AKT2: variants seen among roughly 807,000 people sequenced by gnomAD.
AKT2 encodes RAC-beta serine/threonine-protein kinase.
AKT2 carries 16 observed loss-of-function variants against 58.6 expected under a neutral mutation model. The observed-to-expected ratio is 0.27, with a 90% CI of 0.18 to 0.41. AKT2 has a LOEUF of 0.41. AKT2 is among the 10% of genes least tolerant of loss of function. The pLI is 1.00. For missense variants in AKT2, 438 were observed against 661.0 expected, an observed-to-expected ratio of 0.66 and a Z score of 3.70; for synonymous variants, 253 against 254.0, an observed-to-expected ratio of 1.00 and a Z score of 0.04.
intron 2 of AKT2, among the ~76,000 whole-genome samples, chr19:40,261,250 C>T (rs1475878803): frequency 6.6e-6 from 1 of 152,118 alleles, no homozygotes. Context: ...AGGACGAGTT[C>T]GGCCAGGCGC....
chr19:40,285,221 C>A lies in AKT2; in HGVS notation c.-125G>T, dbSNP rs1400951914. ...GCCCAGCCTCTCCGGCGGGGCTCTACCCCCGCCCATCGCCACGCTGCGCTG... is the reference window on the plus strand; with the variant it reads ...GCCCAGCCTCTCCGGCGGGGCTCTAACCCCGCCCATCGCCACGCTGCGCTG... On this transcript the variant is annotated 5_prime_UTR_variant, in exon 1 of 14. Coordinates refer to ENST00000392038, the MANE Select transcript of AKT2 (RefSeq NM_001626.6). 2.5e-6 allele frequency: 1 copy of A among 395,176 alleles called. No homozygotes were observed. The highest frequency in any genetic ancestry group is 4.5e-6 in the Non-Finnish European group (1 of 223,768). The allele number at this position is 395,176 out of a possible 1,614,324, so 24.5% of individuals were successfully genotyped here.
intron 2 of AKT2, among the ~76,000 whole-genome samples, chr19:40,262,132 C>T (rs761546329): frequency 4.0e-5 from 6 of 151,600 alleles, no homozygotes; most frequent in Non-Finnish European, 5.9e-5. Flanking sequence ...AAAAGCTGAA[C>T]GCAGTGGCTC....
intron 6 of AKT2, 161 bp downstream of exon 6, chr19:40,241,777 C>G (rs1194278105): frequency 1.8e-6 from 2 of 1,105,108 alleles, no homozygotes; most frequent in African/African-American, 3.1e-5. Flanking sequence ...GCCTGCTGCT[C>G]CTCTCTGGGC....
chr19:40,251,446 C>T (rs941777763), intron 4 of AKT2, among the ~76,000 whole-genome samples: 1 of 151,932 alleles, frequency 6.6e-6, no homozygotes, highest in African/African-American at 2.4e-5. Context: ...TTCTAGTTTA[C>T]AAGAAATACA....
At chr19:40,281,369 G>GTA (rs1265703248) in intron 1 of AKT2, among the ~76,000 whole-genome samples, 1 of 152,188 alleles carries the variant, frequency 6.6e-6, no homozygotes, top group Non-Finnish European at 1.5e-5. Flanking sequence ...GCATGCACCT[G>GTA]TAGTCCCAGC....
intron 2 of AKT2, among the ~76,000 whole-genome samples, chr19:40,259,051 G>A (rs1600066522): frequency 6.6e-6 from 1 of 152,236 alleles, no homozygotes; most frequent in Middle Eastern, 3.4e-3. Flanking sequence ...ATACAGGACA[G>A]ACATACAGAC....
intron 7 of AKT2, 63 bp downstream of exon 7, chr19:40,239,980 GCT>G (rs749834713): frequency 3.9e-6 from 6 of 1,556,178 alleles, no homozygotes; most frequent in Middle Eastern, 1.7e-4. Context: ...GAAGATTAGG[GCT>G]CTCTCTCTGA....
intron 2 of AKT2, among the ~76,000 whole-genome samples, chr19:40,258,263 A>C (rs71356900): frequency 3.3e-5 from 5 of 149,450 alleles, no homozygotes; most frequent in African/African-American, 7.5e-5. Flanking sequence ...AAAAAAAAAA[A>C]CAAAAAAAAA....
In AKT2 at chr19:40,242,806, G is replaced by C. The variant is rs1974496532; in HGVS notation, c.288-119C>G. 8 of 1,159,260 alleles carry C rather than the reference G, an allele frequency of 6.9e-6. No individual in the cohort carries two copies. Among genetic ancestry groups the C allele is most frequent in the Admixed American group, 4.0e-5 (2 of 50,134 alleles). The allele number at this position is 1,159,260 out of a possible 1,614,324, so 71.8% of individuals were successfully genotyped here. ...GGCAAGCAAATGACCACATAACCAT[G>C]GGAATTTGGGCAAGATCTGTCAGAA... On this transcript the variant is annotated intron_variant, in intron 4 of 13. Transcript: ENST00000392038. This position sits in a 1 kb window ranked among gnomAD's most constrained non-coding sequence, Gnocchi z 4.3.
intron 4 of AKT2, among the ~76,000 whole-genome samples, chr19:40,253,516 T>C (rs1975317826): frequency 1.3e-5 from 2 of 152,064 alleles, no homozygotes; most frequent in Admixed American, 1.3e-4. Flanking sequence ...GTCAAACTCA[T>C]CCACAGAGAA....
At chr19:40,250,753 G>A (rs1203079041) in intron 4 of AKT2, among the ~76,000 whole-genome samples, 5 of 151,982 alleles carry the variant, frequency 3.3e-5, no homozygotes, top group African/African-American at 9.7e-5. Context: ...ACCTAAATCC[G>A]GGAGATTGAG....
At position 40,255,174 on chromosome 19, in the gene AKT2, C is replaced by A. The variant is rs1205519703; in HGVS notation, c.271G>T (p.Asp91Tyr). 1 of 1,613,936 alleles carries A rather than the reference C, an allele frequency of 6.2e-7. No individual in the cohort carries two copies. The highest frequency in any genetic ancestry group is 1.7e-5 in the Admixed American group (1 of 60,014). ...CAGACTGACCTCTCGTCTGGAGAAT[C>A]CACGTGGAAGGTCCTCTCGATGACT... ...TTVIERTFHV[D>Y]SPDEREEWMR... The change falls in exon 4 of 14, where the codon GAT (aspartate) becomes TAT (tyrosine). Residue 91 changes from aspartate to tyrosine, a missense_variant. Coordinates refer to ENST00000392038, the MANE Select transcript of AKT2 (RefSeq NM_001626.6).
rs1264928932 is a variant in AKT2 at position 40,238,290 on chromosome 19, C to T, written c.709-199G>A. Among the ~76,000 whole-genome samples, 1 of 152,128 alleles carries T rather than the reference C, an allele frequency of 6.6e-6. No homozygotes were observed. Among genetic ancestry groups the T allele is most frequent in the African/African-American group, 2.4e-5 (1 of 41,406 alleles). On this transcript the variant is annotated intron_variant, in intron 8 of 13. Coordinates refer to ENST00000392038, the MANE Select transcript of AKT2 (RefSeq NM_001626.6). The surrounding 1 kb of genome is among the most constrained non-coding windows in gnomAD (Gnocchi z 5.1). ...AGCTGGGGGGAAGGGCGAGGGTCTGCCAGGAGGCACCCATGAGAGGGTATG... is the reference window on the plus strand; with the variant it reads ...AGCTGGGGGGAAGGGCGAGGGTCTGTCAGGAGGCACCCATGAGAGGGTATG...
rs1973833228 is a variant in AKT2 at position 40,233,686 on chromosome 19, G to A, written c.*186C>T. On this transcript the variant is annotated 3_prime_UTR_variant, in exon 14 of 14. Transcript: ENST00000392038. The surrounding 1 kb of genome is among the most constrained non-coding windows in gnomAD (Gnocchi z 4.3). ...GAGTCTGGGCACAAAGGTGAGGCTG[G>A]AGGCTGGAGGCAGGGGCTGCAGGGG... 1 of 768,090 alleles carries A rather than the reference G, an allele frequency of 1.3e-6. No homozygotes were observed. The highest frequency in any genetic ancestry group is 2.4e-6 in the Non-Finnish European group (1 of 423,362). 47.6% of individuals were successfully genotyped at this position (768,090 alleles called of 1,614,324 possible). A position where few individuals can be genotyped will look rare whatever the true frequency, so the allele number is the denominator to read the frequency against.
chr19:40,255,306 G>A (rs760935284), intron 3 of AKT2, 37 bp from the exon 4 acceptor site: 4 of 1,549,650 alleles, frequency 2.6e-6, no homozygotes, highest in Non-Finnish European at 3.6e-6. Context: ...GGGGCTGAGG[G>A]GATAGCCCTG....
In AKT2 at chr19:40,282,570, A is replaced by C. The variant is rs147213560; in HGVS notation, c.-85+2611T>G. ...GGGTAAGAGGAAGGAAAGACATAGG[A>C]CAGTCACCTCTATAGGTAGAGGACA... On this transcript the variant is annotated intron_variant, in intron 1 of 13. Coordinates refer to ENST00000392038, the MANE Select transcript of AKT2 (RefSeq NM_001626.6). 1.1e-3 allele frequency: 576 copies of C among 532,290 alleles called. 2 individuals are homozygous for C. Among genetic ancestry groups the C allele is most frequent in the Middle Eastern group, 1.5e-3 (4 of 2,758 alleles). The allele number at this position is 532,290 out of a possible 1,614,324, so 33.0% of individuals were successfully genotyped here. A position where few individuals can be genotyped will look rare whatever the true frequency, so the allele number is the denominator to read the frequency against.
At chr19:40,255,529 A>C (rs1458242832) in intron 3 of AKT2, among the ~76,000 whole-genome samples, 1 of 152,154 alleles carries the variant, frequency 6.6e-6, no homozygotes, top group East Asian at 1.9e-4. Context: ...AGGTGTGCAG[A>C]AGCTCAGAGG....
Position 40,236,287 on chromosome 19 carries a change from G to C in AKT2, c.930C>G (p.Phe310Leu). The change falls in exon 10 of 14, where the codon TTC becomes TTG. Residue 310 changes from phenylalanine to leucine, a missense_variant. Transcript: ENST00000392038. ...GISDGATMKT[F>L]CGTPEYLAPE... ...GCGCCAGGTACTCCGGGGTCCCACA[G>C]AAGGTTTTCATGGTGGCCCCGTCAC... 6.2e-7 allele frequency: 1 copy of C among 1,614,128 alleles called. No homozygotes were observed. Among genetic ancestry groups the C allele is most frequent in the Non-Finnish European group, 8.5e-7 (1 of 1,180,038 alleles).
chr19:40,276,506 T>C (rs1330757408), intron 1 of AKT2, among the ~76,000 whole-genome samples: 2 of 151,428 alleles, frequency 1.3e-5, no homozygotes, highest in African/African-American at 2.4e-5. Context: ...GCTAGGATTA[T>C]AGGCACCCAC....
Sources: allele counts gnomAD v4.1 joint callset (sites outside exome capture counted in the v4.1 genomes callset), GRCh38; gene constraint gnomAD v4.1.1; non-coding constraint Gnocchi (gnomAD v3.1); transcripts MANE v1.5; gene names NCBI Gene and HGNC (gene_info 2026-07-23, HGNC 2026-07-21).